BRINP1: variants seen among roughly 807,000 people sequenced by gnomAD.
BRINP1 encodes the protein BMP/retinoic acid-inducible neural-specific protein 1.
A neutral mutation model predicts 72.9 loss-of-function variants in BRINP1; 17 were observed. The observed-to-expected ratio is 0.23, with a 90% confidence interval of 0.16 to 0.35. BRINP1 has a LOEUF of 0.35. Ranked by LOEUF, BRINP1 falls within the 10% of genes least tolerant of loss-of-function variation. The pLI, the probability that BRINP1 is intolerant of heterozygous loss-of-function variation, is 1.00. For synonymous variants in BRINP1, 418 were observed against 378.5 expected, an observed-to-expected ratio of 1.10 and a Z score of -1.21; for missense variants, 850 against 1,001.6, an observed-to-expected ratio of 0.85 and a Z score of 2.04.
At chr9:119,317,619 C>G (rs576388040) in intron 1 of BRINP1, among the ~76,000 whole-genome samples, 2 of 152,278 alleles carry the variant, frequency 1.3e-5, no homozygotes, top group Admixed American at 6.5e-5. Context: ...GTTGTGAAAA[C>G]AGTTCTACCT....
At chr9:119,231,457 A>G (rs781622451) in intron 5 of BRINP1, among the ~76,000 whole-genome samples, 42 of 152,116 alleles carry the variant, frequency 2.8e-4, no homozygotes, top group Non-Finnish European at 5.9e-4. Context: ...TTGCTTCTAT[A>G]TTAAAAAGAA....
At chr9:119,230,650 G>A (rs1391873979) in intron 5 of BRINP1, among the ~76,000 whole-genome samples, 2 of 151,956 alleles carry the variant, frequency 1.3e-5, no homozygotes, top group Admixed American at 1.3e-4. Flanking sequence ...TCTAGAAGGA[G>A]CTGAGGTTTC....
intron 5 of BRINP1, among the ~76,000 whole-genome samples, chr9:119,237,584 A>C (rs905733079): frequency 5.5e-4 from 84 of 151,740 alleles, no homozygotes; most frequent in Non-Finnish European, 1.0e-3. Context: ...GGATGGTCTC[A>C]ATCTCCTGAC....
intron 7 of BRINP1, among the ~76,000 whole-genome samples, chr9:119,190,861 C>G (rs1204911319): frequency 6.6e-6 from 1 of 151,940 alleles, no homozygotes; most frequent in Non-Finnish European, 1.5e-5. Context: ...AAGAAAACTA[C>G]AGGCCAATGT....
At chr9:119,252,083 A>G (rs1289780287) in intron 2 of BRINP1, among the ~76,000 whole-genome samples, 4 of 151,812 alleles carry the variant, frequency 2.6e-5, no homozygotes, top group Non-Finnish European at 5.9e-5. Flanking sequence ...CTCTGTGTCC[A>G]TCTTTTCTTC....
At chr9:119,186,601 C>A (rs1829623272) in intron 7 of BRINP1, among the ~76,000 whole-genome samples, 1 of 152,102 alleles carries the variant, frequency 6.6e-6, no homozygotes, top group South Asian at 2.1e-4. Flanking sequence ...AACCCTGGTG[C>A]TTGAGTCCAC....
At chr9:119,319,809 A>G (rs1831165716) in intron 1 of BRINP1, among the ~76,000 whole-genome samples, 3 of 152,184 alleles carry the variant, frequency 2.0e-5, no homozygotes. Context: ...TTGGGATTCT[A>G]ACCTGTGAAT....
intron 1 of BRINP1, among the ~76,000 whole-genome samples, chr9:119,353,156 C>G (rs1012866234): frequency 6.6e-6 from 1 of 152,208 alleles, no homozygotes; most frequent in South Asian, 2.1e-4. Context: ...TCAGCTATTT[C>G]TTTTCCTTTT....
chr9:119,248,477 G>C (rs1366648215), intron 3 of BRINP1, among the ~76,000 whole-genome samples: 1 of 152,194 alleles, frequency 6.6e-6, no homozygotes, highest in Non-Finnish European at 1.5e-5. Context: ...GGGTAAGGCT[G>C]AGCAGGGTGG....
chr9:119,368,253 T>C lies in BRINP1; in HGVS notation c.-51+803A>G, dbSNP rs957527857. On this transcript the variant is annotated intron_variant, in intron 1 of 7. Coordinates refer to ENST00000265922, the MANE Select transcript of BRINP1 (RefSeq NM_014618.3). This position sits in a 1 kb window ranked among gnomAD's most constrained non-coding sequence, Gnocchi z 4.7. ...CCCAGATAAGGAGCCCACCGCTGAC[T>C]TCCCCCTTTCTCTGTCACCCACTAT... Among the ~76,000 whole-genome samples, 1 of 152,184 alleles carries C rather than the reference T, an allele frequency of 6.6e-6. No homozygotes were observed. Among genetic ancestry groups the C allele is most frequent in the Non-Finnish European group, 1.5e-5 (1 of 68,038 alleles).
At chr9:119,297,350 C>A (rs1830891564) in intron 2 of BRINP1, among the ~76,000 whole-genome samples, 1 of 152,124 alleles carries the variant, frequency 6.6e-6, no homozygotes, top group South Asian at 2.1e-4. Context: ...GCTGCGCTCC[C>A]TTCACCTTCT....
At chr9:119,186,450 T>C (rs1334118363) in intron 7 of BRINP1, among the ~76,000 whole-genome samples, 2 of 152,168 alleles carry the variant, frequency 1.3e-5, no homozygotes, top group African/African-American at 4.8e-5. Context: ...GCCTAAGCCC[T>C]GGTGGTGTTC....
chr9:119,228,125 C>G (rs1830111220), intron 5 of BRINP1, among the ~76,000 whole-genome samples: 1 of 151,914 alleles, frequency 6.6e-6, no homozygotes, highest in African/African-American at 2.4e-5. Context: ...TGTCCTCTCC[C>G]TCTACCCCCT....
intron 7 of BRINP1, among the ~76,000 whole-genome samples, chr9:119,199,769 G>C (rs1490431519): frequency 6.7e-6 from 1 of 150,360 alleles, no homozygotes; most frequent in African/African-American, 2.4e-5. Flanking sequence ...TCATTTCATT[G>C]AATTGAATAG....
chr9:119,350,648 G>A (rs140803828), intron 1 of BRINP1, among the ~76,000 whole-genome samples: 11 of 144,904 alleles, frequency 7.6e-5, no homozygotes, highest in African/African-American at 2.3e-4. Context: ...ACACTCGCAC[G>A]TCCATGAACA....
intron 7 of BRINP1, among the ~76,000 whole-genome samples, chr9:119,177,077 G>C (rs1829497919): frequency 6.6e-6 from 1 of 152,310 alleles, no homozygotes; most frequent in East Asian, 1.9e-4. Context: ...ACCTAGCCCA[G>C]AGGCTGGCTC....
chr9:119,284,784 G>A (rs563648165), intron 2 of BRINP1, among the ~76,000 whole-genome samples: 1 of 152,286 alleles, frequency 6.6e-6, no homozygotes, highest in Non-Finnish European at 1.5e-5. Context: ...GCTTGTTACA[G>A]AGAGGAAAGT....
intron 4 of BRINP1, 107 bp downstream of exon 4, chr9:119,241,940 A>G: frequency 8.1e-7 from 1 of 1,227,278 alleles, no homozygotes; most frequent in Non-Finnish European, 1.1e-6. Flanking sequence ...CACGAGCTAC[A>G]TGGTTATGAA....
In BRINP1 at chr9:119,253,955, T is replaced by C. The variant is rs557557424; in HGVS notation, c.219-4805A>G. Among the ~76,000 whole-genome samples the C allele has an allele frequency of 7.0e-4, 107 of 152,330 alleles. 1 individual carries two copies. The highest frequency in any genetic ancestry group is 2.5e-3 in the African/African-American group (105 of 41,578). On this transcript the variant is annotated intron_variant, in intron 2 of 7. Transcript: ENST00000265922. Reference sequence around the variant, plus strand: ...TAGGTTTATGTGGCTCTGCAACCATTACAGGGATGTTGGAGCAAAGACTGT... The same window carrying C: ...TAGGTTTATGTGGCTCTGCAACCATCACAGGGATGTTGGAGCAAAGACTGT...
Sources: gnomAD v4.1 joint callset for allele counts (sites outside exome capture counted in the v4.1 genomes callset) on GRCh38, gnomAD v4.1.1 for gene constraint, Gnocchi (gnomAD v3.1) non-coding constraint, MANE v1.5 for transcripts, NCBI Gene and HGNC (gene_info 2026-07-23, HGNC 2026-07-21) for gene names.